Variants in BLTP3A observed in about 807,000 individuals in gnomAD.
BLTP3A encodes the protein ICBP90 binding protein 1.
At chr6:34,834,647 TTTTTC>T in the BLTP3A span, 2 of 1,564,042 alleles carry the variant, frequency 1.3e-6, no homozygotes, top group Non-Finnish European at 1.7e-6. Context: ...TTGCCAGTCT[TTTTTC>T]CTTGGACTTC....
chr6:34,817,065 TCTG>T, the BLTP3A span, among the ~76,000 whole-genome samples: 2 of 152,244 alleles, frequency 1.3e-5, no homozygotes, highest in Non-Finnish European at 2.9e-5. Flanking sequence ...AGTTCTGTTT[TCTG>T]CTTTCGCTTC....
chr6:34,846,623 AG>A, the BLTP3A span, among the ~76,000 whole-genome samples: 2 of 152,190 alleles, frequency 1.3e-5, no homozygotes, highest in Non-Finnish European at 1.5e-5. Flanking sequence ...TATATCCTGC[AG>A]CTTTACTGAA....
chr6:34,844,662 T>C, the BLTP3A span, among the ~76,000 whole-genome samples: 8 of 152,358 alleles, frequency 5.3e-5, no homozygotes, highest in African/African-American at 1.4e-4. Flanking sequence ...ATGTCTTCTT[T>C]TGATACATGT....
chr6:34,833,015 T>G, the BLTP3A span, among the ~76,000 whole-genome samples: 1 of 152,238 alleles, frequency 6.6e-6, no homozygotes, highest in East Asian at 1.9e-4. Context: ...GGGACTTTGT[T>G]TCCTTCATTC....
the BLTP3A span, among the ~76,000 whole-genome samples, chr6:34,845,233 G>C: frequency 6.6e-6 from 1 of 152,066 alleles, no homozygotes; most frequent in Non-Finnish European, 1.5e-5. Flanking sequence ...CTGTTTTTAT[G>C]CCATGCTGTT....
the BLTP3A span, chr6:34,821,649 T>A: frequency 7.5e-6 from 12 of 1,606,644 alleles, no homozygotes; most frequent in Non-Finnish European, 1.0e-5. Flanking sequence ...ATTACTCTTT[T>A]CAGGTTCACT....
the BLTP3A span, among the ~76,000 whole-genome samples, chr6:34,819,662 A>G: frequency 2.0e-5 from 3 of 152,216 alleles, no homozygotes; most frequent in Non-Finnish European, 4.4e-5. Flanking sequence ...AATGGAGAAT[A>G]AAAGAGTGTA....
the BLTP3A span, among the ~76,000 whole-genome samples, chr6:34,831,570 CTA>C: frequency 6.6e-6 from 1 of 152,032 alleles, no homozygotes; most frequent in African/African-American, 2.4e-5. Context: ...AGAGAGTATC[CTA>C]TGTTTTCTTC....
chr6:34,809,660 G>A, the BLTP3A span, among the ~76,000 whole-genome samples: 1 of 152,050 alleles, frequency 6.6e-6, no homozygotes, highest in African/African-American at 2.4e-5. Context: ...CTGCCTCCCG[G>A]GTTCAAGCGA....
the BLTP3A span, chr6:34,821,551 CT>C: frequency 1.7e-6 from 2 of 1,165,322 alleles, no homozygotes; most frequent in Non-Finnish European, 1.2e-6. Context: ...AACAAATGTT[CT>C]TTAATTTTTT....
chr6:34,853,340 C>T, the BLTP3A span, among the ~76,000 whole-genome samples: 1 of 152,014 alleles, frequency 6.6e-6, no homozygotes, highest in African/African-American at 2.4e-5. Context: ...TACAGGCATG[C>T]GCCACCATAC....
At chr6:34,836,749 A>C in the BLTP3A span, among the ~76,000 whole-genome samples, 38 of 152,362 alleles carry the variant, frequency 2.5e-4, no homozygotes, top group African/African-American at 9.1e-4. Context: ...TCAACTATAG[A>C]AAACCTCAGA....
chr6:34,843,642 A>G, the BLTP3A span, among the ~76,000 whole-genome samples: 1 of 152,178 alleles, frequency 6.6e-6, no homozygotes, highest in Non-Finnish European at 1.5e-5. Flanking sequence ...ATGTACAATA[A>G]ATTATTGTTG....
the BLTP3A span, among the ~76,000 whole-genome samples, chr6:34,809,690 G>A: frequency 6.6e-6 from 1 of 152,010 alleles, no homozygotes; most frequent in Non-Finnish European, 1.5e-5. Flanking sequence ...CTCAGCCTCT[G>A]AGTACTGGAG....
the BLTP3A span, among the ~76,000 whole-genome samples, chr6:34,800,497 A>T: frequency 6.6e-6 from 1 of 152,156 alleles, no homozygotes; most frequent in African/African-American, 2.4e-5. Context: ...TGGGGGTTGT[A>T]GGGAGGGGAG....
At chr6:34,852,150 A>G in the BLTP3A span, among the ~76,000 whole-genome samples, 1 of 152,110 alleles carries the variant, frequency 6.6e-6, no homozygotes, top group Non-Finnish European at 1.5e-5. Context: ...CTGCAAGACA[A>G]AGTCCCCTTT....
the BLTP3A span, among the ~76,000 whole-genome samples, chr6:34,795,545 G>A: frequency 6.7e-6 from 1 of 150,360 alleles, no homozygotes; most frequent in African/African-American, 2.4e-5. Flanking sequence ...CTACAGGCGC[G>A]TGCCACCACA....
the BLTP3A span, among the ~76,000 whole-genome samples, chr6:34,842,636 AG>A: frequency 4.3e-4 from 65 of 152,176 alleles, no homozygotes; most frequent in African/African-American, 1.6e-3. Flanking sequence ...TGAGCCCAGG[AG>A]TTCTATTTTT....
the BLTP3A span, chr6:34,821,932 T>G: frequency 1.9e-6 from 3 of 1,614,240 alleles, no homozygotes; most frequent in East Asian, 6.7e-5. Context: ...GTGGACAAAG[T>G]TGAAGACACA....
Sources: allele counts gnomAD v4.1 joint callset (sites outside exome capture counted in the v4.1 genomes callset), GRCh38; gene constraint gnomAD v4.1.1; transcripts MANE v1.5; gene names NCBI Gene and HGNC (gene_info 2026-07-23, HGNC 2026-07-21).